MYT1: variants seen among roughly 807,000 people sequenced by gnomAD.
MYT1 encodes myelin transcription factor 1, also known as myelin transcription factor I.
In MYT1, 23 loss-of-function variants were observed where a neutral mutation model predicts 123.0. The observed-to-expected ratio is 0.19, with a 90% CI of 0.13 to 0.26. The LOEUF is 0.26. Among genes scored for constraint, MYT1 ranks in the 10% least tolerant of loss-of-function variants. The pLI is 1.00. For synonymous variants in MYT1, 518 were observed against 575.3 expected (o/e 0.90, Z 1.43); for missense variants, 1,125 against 1,472.5 (o/e 0.76, Z 3.86).
intron 3 of MYT1, 127 bp downstream of exon 3, chr20:64,199,043 C>T (rs1345018064): frequency 1.1e-6 from 1 of 939,360 alleles, no homozygotes; most frequent in African/African-American, 1.6e-5. Context: ...TCTTCAGCCT[C>T]ATTCATCCTC....
At position 64,208,874 on chromosome 20, in the gene MYT1, T is replaced by C. The variant is rs1983581262; in HGVS notation, c.1291+387T>C. Among the ~76,000 whole-genome samples, 1 of 152,318 alleles carries C rather than the reference T, an allele frequency of 6.6e-6. No individual in the cohort carries two copies. The highest frequency in any genetic ancestry group is 3.4e-3 in the Middle Eastern group (1 of 294). On this transcript the variant is annotated intron_variant, in intron 7 of 22. Transcript: ENST00000328439. The surrounding 1 kb of genome is among the most constrained non-coding windows in gnomAD (Gnocchi z 5.4). ...TTGTGCTATGACAGAACCCGCTGTT[T>C]CCTACAGCCATGCTGGGTCATCCTG...
At chr20:64,220,896 G>A (rs1233088547) in intron 13 of MYT1, among the ~76,000 whole-genome samples, 3 of 130,000 alleles carry the variant, frequency 2.3e-5, no homozygotes, top group African/African-American at 6.1e-5. Flanking sequence ...TATGAAGGGT[G>A]GGGGCTGGAT....
intron 7 of MYT1, among the ~76,000 whole-genome samples, chr20:64,210,661 G>A (rs1048062003): frequency 9.8e-5 from 15 of 152,316 alleles, no homozygotes; most frequent in African/African-American, 2.2e-4. Context: ...AGGGTCCTCC[G>A]TGTTCCTGCT....
rs778009159 is a variant in MYT1 at position 64,217,177 on chromosome 20, C to G, written c.1742C>G (p.Ser581Cys). The change falls in exon 11 of 23, where the codon TCC becomes TGC. Residue 581 changes from serine to cysteine, a missense_variant. By Grantham distance (112) the Ser-to-Cys change is moderately radical. Coordinates refer to ENST00000328439, the MANE Select transcript of MYT1 (RefSeq NM_004535.3). Reference sequence around the variant, plus strand: ...TTGGCCAAGGAGCTGGAGAAGTTCTCCAAGGTCACCTTTGACTACGCAAGT... The same window carrying G: ...TTGGCCAAGGAGCTGGAGAAGTTCTGCAAGGTCACCTTTGACTACGCAAGT... ...ANLAKELEKF[S>C]KVTFDYASFD... 3.1e-6 allele frequency: 5 copies of G among 1,614,180 alleles called. No individual in the cohort carries two copies. The highest frequency in any genetic ancestry group is 4.2e-6 in the Non-Finnish European group (5 of 1,180,066).
At position 64,212,016 on chromosome 20, in the gene MYT1, C is replaced by T. The variant is rs779698201; in HGVS notation, c.1427-32C>T. The T allele has an allele frequency of 2.5e-5, 39 of 1,584,428 alleles. No homozygotes were observed. Among genetic ancestry groups the T allele is most frequent in the Non-Finnish European group, 3.2e-5 (37 of 1,154,146 alleles). Reference sequence around the variant, plus strand: ...GGCGCTCCCCAGATTCTCTGACAGCCTCGGCTCCCTCCACCCCCTGTTCTC... The same window carrying T: ...GGCGCTCCCCAGATTCTCTGACAGCTTCGGCTCCCTCCACCCCCTGTTCTC... On this transcript the variant is annotated intron_variant, in intron 8 of 22. Coordinates refer to ENST00000328439, the MANE Select transcript of MYT1 (RefSeq NM_004535.3). This position sits in a 1 kb window ranked among gnomAD's most constrained non-coding sequence, Gnocchi z 6.8.
rs762614223 is a variant in MYT1 at position 64,207,843 on chromosome 20, T to G, written c.647T>G (p.Ile216Ser). Reference sequence around the variant, plus strand: ...GAGGAGGGTGAAAAGGGCCTCTTCATCCAGCCAGAGGATGCCGAGGAGGTC... The same window carrying G: ...GAGGAGGGTGAAAAGGGCCTCTTCAGCCAGCCAGAGGATGCCGAGGAGGTC... ...ASEEGEKGLFIQPEDAEEVVE... is the reference protein window; with the variant it reads ...ASEEGEKGLFSQPEDAEEVVE... The change falls in exon 7 of 23, where the codon ATC (isoleucine) becomes AGC (serine). Residue 216 changes from isoleucine to serine, a missense_variant. Transcript: ENST00000328439. The G allele has an allele frequency of 1.1e-5, 18 of 1,613,354 alleles. No homozygotes were observed. Among genetic ancestry groups the G allele is most frequent in the African/African-American group, 2.7e-5 (2 of 74,778 alleles).
intron 1 of MYT1, among the ~76,000 whole-genome samples, chr20:64,187,305 C>T (rs556107435): frequency 1.9e-4 from 28 of 144,172 alleles, no homozygotes; most frequent in Non-Finnish European, 3.9e-4. Flanking sequence ...TCCTGTAGCA[C>T]GTGGCTCCGG....
In MYT1 at chr20:64,192,855, A is replaced by T. The variant is rs1243387245; in HGVS notation, c.-1+2695A>T. Among the ~76,000 whole-genome samples the T allele has an allele frequency of 5.3e-5, 8 of 152,068 alleles. No individual in the cohort carries two copies. ...GGTATGGCCCTTCTGGCCTCTCTTT[A>T]TGTTGTTGGATTCTACCCTGGGTGG... On this transcript the variant is annotated intron_variant, in intron 2 of 22. Transcript: ENST00000328439. The surrounding 1 kb of genome is among the most constrained non-coding windows in gnomAD (Gnocchi z 5.3).
intron 18 of MYT1, among the ~76,000 whole-genome samples, chr20:64,230,983 A>G (rs146080614): frequency 2.0e-5 from 3 of 152,216 alleles, no homozygotes; most frequent in Non-Finnish European, 4.4e-5. Flanking sequence ...TTGACCTTCC[A>G]CTGGGCAGCG....
At position 64,232,093 on chromosome 20, in the gene MYT1, C is replaced by A; in HGVS notation, c.2676-71C>A. 1.3e-6 allele frequency: 2 copies of A among 1,515,034 alleles called. No homozygotes were observed. The highest frequency in any genetic ancestry group is 1.8e-6 in the Non-Finnish European group (2 of 1,101,108). The allele number at this position is 1,515,034 out of a possible 1,614,324, so 93.8% of individuals were successfully genotyped here. A position where few individuals can be genotyped will look rare whatever the true frequency, so the allele number is the denominator to read the frequency against. ...TGAGTTGGGCTCCCCTTGTGTCTGG[C>A]TTGAGAGAGTCTCCAGGCTTCTCCT... On this transcript the variant is annotated intron_variant, in intron 18 of 22. Coordinates refer to ENST00000328439, the MANE Select transcript of MYT1 (RefSeq NM_004535.3). The surrounding 1 kb of genome is among the most constrained non-coding windows in gnomAD (Gnocchi z 6.9).
In MYT1 at chr20:64,218,946, A is replaced by G. The variant is rs1167101540; in HGVS notation, c.1882A>G (p.Met628Val). The change falls in exon 12 of 23, where the codon ATG (methionine) becomes GTG (valine). Residue 628 changes from methionine (M) to valine (V), a missense_variant. Met to Val is a conservative substitution (Grantham distance 21, BLOSUM62 1). Coordinates refer to ENST00000328439, the MANE Select transcript of MYT1 (RefSeq NM_004535.3). The surrounding 1 kb of genome is among the most constrained non-coding windows in gnomAD (Gnocchi z 4.0). ...DYSQDAEAAH[M>V]AATAILNLST... ...CTCGCAGGACGCCGAGGCTGCACAC[A>G]TGGCTGCCACTGCCATCCTGAACCT... 1.9e-6 allele frequency: 3 copies of G among 1,613,612 alleles called. No homozygotes were observed. Among genetic ancestry groups the G allele is most frequent in the East Asian group, 4.5e-5 (2 of 44,882 alleles).
At chr20:64,227,736 A>AT (rs1396279580) in intron 17 of MYT1, 152 bp from the exon 18 acceptor site, 1 of 755,880 alleles carries the variant, frequency 1.3e-6, no homozygotes, top group Non-Finnish European at 2.1e-6. Context: ...GTGTCTGTGG[A>AT]TTCTGCTTCT....
rs1983706323 is a variant in MYT1 at position 64,212,360 on chromosome 20, C to A, written c.1517+222C>A. Among the ~76,000 whole-genome samples, 1 of 152,164 alleles carries A rather than the reference C, an allele frequency of 6.6e-6. No homozygotes were observed. The highest frequency in any genetic ancestry group is 2.1e-4 in the South Asian group (1 of 4,830). ...GGACGGGGCTCTGGCCTGCCTGGGGCTCCCTGTGTGCTACCCTTCTCCCAG... is the reference window on the plus strand; with the variant it reads ...GGACGGGGCTCTGGCCTGCCTGGGGATCCCTGTGTGCTACCCTTCTCCCAG... On this transcript the variant is annotated intron_variant, in intron 9 of 22. Coordinates refer to ENST00000328439, the MANE Select transcript of MYT1 (RefSeq NM_004535.3). The surrounding 1 kb of genome is among the most constrained non-coding windows in gnomAD (Gnocchi z 6.8).
At chr20:64,188,901 C>T (rs1260445971) in intron 1 of MYT1, among the ~76,000 whole-genome samples, 1 of 152,238 alleles carries the variant, frequency 6.6e-6, no homozygotes, top group Non-Finnish European at 1.5e-5. Flanking sequence ...AGAGTAGGTG[C>T]ACACAGTAGG....
At chr20:64,235,539 G>A (rs1379058296) in intron 19 of MYT1, among the ~76,000 whole-genome samples, 4 of 140,932 alleles carry the variant, frequency 2.8e-5, no homozygotes, top group Admixed American at 7.1e-5. Context: ...GTGACCCGGG[G>A]CTGGCCGTGG....
In MYT1 at chr20:64,213,192, G is replaced by A. The variant is rs1194191843; in HGVS notation, c.1518-342G>A. Among the ~76,000 whole-genome samples the A allele has an allele frequency of 6.6e-6, 1 of 152,172 alleles. No homozygotes were observed. The highest frequency in any genetic ancestry group is 2.1e-4 in the South Asian group (1 of 4,836). ...AGCTGGGAAGGGAGAGGAAGGGGGT[G>A]AGGGCAAGCCTGTCTCCCAGACCCA... On this transcript the variant is annotated intron_variant, in intron 9 of 22. Coordinates refer to ENST00000328439, the MANE Select transcript of MYT1 (RefSeq NM_004535.3). The surrounding 1 kb of genome is among the most constrained non-coding windows in gnomAD (Gnocchi z 5.6).
At chr20:64,217,661 A>G (rs1312965487) in intron 11 of MYT1, among the ~76,000 whole-genome samples, 1 of 152,218 alleles carries the variant, frequency 6.6e-6, no homozygotes, top group East Asian at 1.9e-4. Context: ...GTTTAATCCC[A>G]GTGCAGCCGG....
rs762405785 is a variant in MYT1 at position 64,208,390 on chromosome 20, G to A, written c.1194G>A (p.Pro398=). The A allele has an allele frequency of 5.3e-5, 85 of 1,613,472 alleles. No homozygotes were observed. The highest frequency in any genetic ancestry group is 1.6e-4 in the Middle Eastern group (1 of 6,062). Residue 398 remains proline, a synonymous_variant, in exon 7 of 23, where the codon CCG becomes CCA. Coordinates refer to ENST00000328439, the MANE Select transcript of MYT1 (RefSeq NM_004535.3). This position sits in a 1 kb window ranked among gnomAD's most constrained non-coding sequence, Gnocchi z 5.4. ...KAEQVRTVCE[P]GCPPAEQSQL... ...AACAGGTGCGCACAGTCTGCGAGCC[G>A]GGCTGCCCGCCTGCCGAGCAGAGCC...
In MYT1 at chr20:64,237,240, G is replaced by A. The variant is rs138721362; in HGVS notation, c.2990-47G>A. On this transcript the variant is annotated intron_variant, in intron 20 of 22. Transcript: ENST00000328439. ...GCTTCCCCACAGCACTTTGGCCCAG[G>A]CCTGCCTGAGGCCCAAAGCCACAAC... 1.4e-4 allele frequency: 214 copies of A among 1,545,266 alleles called. 3 individuals carry two copies. In the East Asian group the frequency reaches 4.4e-3, roughly 31 times the overall value.
Sources: allele counts gnomAD v4.1 joint callset (sites outside exome capture counted in the v4.1 genomes callset), GRCh38; gene constraint gnomAD v4.1.1; non-coding constraint Gnocchi (gnomAD v3.1); transcripts MANE v1.5; gene names NCBI Gene and HGNC (gene_info 2026-07-23, HGNC 2026-07-21).